Variants in PTPRD observed in about 807,000 individuals in gnomAD.
The protein encoded by PTPRD is protein tyrosine phosphatase receptor type D, also known as receptor-type tyrosine-protein phosphatase delta.
PTPRD carries 34 observed loss-of-function variants against 214.5 expected under a neutral mutation model. The observed-to-expected ratio is 0.16, with a 90% confidence interval of 0.12 to 0.21. The LOEUF is 0.21. Ranked by LOEUF, PTPRD falls within the 10% of genes least tolerant of loss-of-function variation. PTPRD has a pLI of 1.00. For synonymous variants in PTPRD, 1,128 were observed against 845.7 expected (o/e 1.33, Z -5.79); for missense variants, 2,545 against 2,398.7 (o/e 1.06, Z -1.27).
rs549979355 is a variant in PTPRD at position 8,622,465 on chromosome 9, T to C, written c.352+10852A>G. Among the ~76,000 whole-genome samples, 87 of 152,150 alleles carry C rather than the reference T, an allele frequency of 5.7e-4. 1 individual carries two copies. The highest frequency in any genetic ancestry group is 1.1e-3 in the Non-Finnish European group (75 of 67,936). Reference sequence around the variant, plus strand: ...CTTGAAAAGGTGTAAGCTGAATTACTGTGAGAGCACTTTTCTTCTAAAAAT... The same window carrying C: ...CTTGAAAAGGTGTAAGCTGAATTACCGTGAGAGCACTTTTCTTCTAAAAAT... On this transcript the variant is annotated intron_variant, in intron 14 of 45. Coordinates refer to ENST00000381196, the MANE Select transcript of PTPRD (RefSeq NM_002839.4).
chr9:10,500,525 A>C (rs2043340219), intron 2 of PTPRD, among the ~76,000 whole-genome samples: 2 of 151,940 alleles, frequency 1.3e-5, no homozygotes, highest in African/African-American at 4.8e-5. Flanking sequence ...CATCCCATCA[A>C]GCATTTATCC....
intron 5 of PTPRD, among the ~76,000 whole-genome samples, chr9:9,826,483 A>T (rs1452826365): frequency 6.6e-6 from 1 of 151,948 alleles, no homozygotes; most frequent in Non-Finnish European, 1.5e-5. Flanking sequence ...TTGAGTATGA[A>T]ATTAGCTAAT....
At chr9:9,558,891 G>C (rs139666436) in intron 8 of PTPRD, among the ~76,000 whole-genome samples, 149 of 152,204 alleles carry the variant, frequency 9.8e-4, no homozygotes, top group African/African-American at 3.4e-3. Context: ...CATGACCTTA[G>C]GCCCCAAGGC....
intron 11 of PTPRD, among the ~76,000 whole-genome samples, chr9:8,802,814 G>A (rs914811515): frequency 1.3e-5 from 2 of 152,154 alleles, no homozygotes; most frequent in South Asian, 4.2e-4. Context: ...TGCTTTGGGA[G>A]GCCAAGGTGG....
At chr9:8,623,995 C>A (rs2154304197) in intron 14 of PTPRD, among the ~76,000 whole-genome samples, 1 of 151,982 alleles carries the variant, frequency 6.6e-6, no homozygotes, top group East Asian at 1.9e-4. Context: ...TAAAATATAT[C>A]TAATGTTACA....
At chr9:8,556,120 C>A (rs1447245459) in intron 14 of PTPRD, among the ~76,000 whole-genome samples, 1 of 152,190 alleles carries the variant, frequency 6.6e-6, no homozygotes, top group African/African-American at 2.4e-5. Flanking sequence ...CTGCTTAAGA[C>A]TTCTGTCATT....
At chr9:8,637,890 T>C (rs1425994772) in intron 12 of PTPRD, among the ~76,000 whole-genome samples, 2 of 152,078 alleles carry the variant, frequency 1.3e-5, no homozygotes, top group Non-Finnish European at 2.9e-5. Context: ...CACAAAAGCA[T>C]ACTACAGAGT....
chr9:9,794,218 C>T (rs1050031340), intron 5 of PTPRD, among the ~76,000 whole-genome samples: 2 of 145,118 alleles, frequency 1.4e-5, no homozygotes, highest in African/African-American at 5.2e-5. Flanking sequence ...TATATATATA[C>T]ACGTACATAT....
chr9:9,989,725 T>C (rs1035849928), intron 4 of PTPRD, among the ~76,000 whole-genome samples: 1 of 152,168 alleles, frequency 6.6e-6, no homozygotes, highest in Admixed American at 6.5e-5. Flanking sequence ...AATCCATGGA[T>C]GGCAAAGCTA....
chr9:9,563,723 C>T (rs376898017), intron 8 of PTPRD, among the ~76,000 whole-genome samples: 1 of 152,056 alleles, frequency 6.6e-6, no homozygotes, highest in Non-Finnish European at 1.5e-5. Flanking sequence ...AAGTAATATC[C>T]CATGCATCCA....
intron 11 of PTPRD, among the ~76,000 whole-genome samples, chr9:8,859,804 T>TTGG (rs1555444936): frequency 7.0e-6 from 1 of 142,540 alleles, no homozygotes; most frequent in Non-Finnish European, 1.5e-5. Flanking sequence ...TCCAGCAATT[T>TTGG]GGGGGTGGGG....
At chr9:10,096,150 G>A (rs184040260) in intron 3 of PTPRD, among the ~76,000 whole-genome samples, 117 of 151,702 alleles carry the variant, frequency 7.7e-4, no homozygotes, top group African/African-American at 2.4e-3. Context: ...TATCATACAG[G>A]CAATAATGTT....
chr9:8,346,731 T>C (rs1318947378), intron 39 of PTPRD, among the ~76,000 whole-genome samples: 2 of 152,100 alleles, frequency 1.3e-5, no homozygotes, highest in Non-Finnish European at 2.9e-5. Flanking sequence ...TCTGGGCAAT[T>C]TGGATATGCC....
chr9:10,399,191 T>G (rs781047551), intron 2 of PTPRD, among the ~76,000 whole-genome samples: 1 of 151,966 alleles, frequency 6.6e-6, no homozygotes, highest in Non-Finnish European at 1.5e-5. Flanking sequence ...ACTGAAAGAT[T>G]CCTAGATTTG....
intron 6 of PTPRD, among the ~76,000 whole-genome samples, chr9:9,736,949 G>C (rs1266241024): frequency 6.6e-6 from 1 of 151,852 alleles, no homozygotes; most frequent in African/African-American, 2.4e-5. Flanking sequence ...CAGTCCTATT[G>C]AATCATCTTT....
chr9:9,920,672 T>A (rs1231322691), intron 5 of PTPRD, among the ~76,000 whole-genome samples: 1 of 152,156 alleles, frequency 6.6e-6, no homozygotes, highest in Non-Finnish European at 1.5e-5. Flanking sequence ...AGGGGATTTC[T>A]TCCTCAGTTG....
intron 11 of PTPRD, among the ~76,000 whole-genome samples, chr9:8,996,686 T>A (rs965267719): frequency 6.6e-6 from 1 of 152,078 alleles, no homozygotes; most frequent in Non-Finnish European, 1.5e-5. Flanking sequence ...TGTCCTCACA[T>A]GGCAGAAGGG....
chr9:8,570,538 G>A (rs1024218864), intron 14 of PTPRD, among the ~76,000 whole-genome samples: 4 of 152,126 alleles, frequency 2.6e-5, no homozygotes, highest in African/African-American at 9.7e-5. Flanking sequence ...ACACTTAAGA[G>A]AGGTAGGTTT....
In PTPRD at chr9:8,348,418, G is replaced by A. The variant is rs2074472911; in HGVS notation, c.4662-6440C>T. Among the ~76,000 whole-genome samples, 3 of 151,868 alleles carry A rather than the reference G, an allele frequency of 2.0e-5. 1 individual carries two copies. The highest frequency in any genetic ancestry group is 1.3e-4 in the Admixed American group (2 of 15,230). ...TGGGTTTCTTTTTTTCTTTACATAT[G>A]ACCAACAACTTGGTTTTGTGCAGGA... On this transcript the variant is annotated intron_variant, in intron 39 of 45. Transcript: ENST00000381196.
Sources: allele counts gnomAD v4.1 joint callset (sites outside exome capture counted in the v4.1 genomes callset), GRCh38; gene constraint gnomAD v4.1.1; transcripts MANE v1.5; gene names NCBI Gene and HGNC (gene_info 2026-07-23, HGNC 2026-07-21).